IFT81: variants seen among roughly 807,000 people sequenced by gnomAD.
The protein encoded by IFT81 is intraflagellar transport 81, also known as intraflagellar transport protein 81 homolog.
Under a neutral mutation model 102.6 loss-of-function variants are expected in IFT81, and 72 were observed. The ratio of observed to expected loss-of-function variants is 0.70; its 90% CI spans 0.58 to 0.85. The LOEUF (loss-of-function observed/expected upper bound fraction) is 0.85. Among genes scored for constraint, IFT81 ranks in the 40% least tolerant of loss-of-function variants. The pLI, the probability that IFT81 is intolerant of heterozygous loss-of-function variation, is 0.00. For missense variants in IFT81, 723 were observed against 787.3 expected (o/e 0.92, Z 0.98); for synonymous variants, 237 against 242.7 (o/e 0.98, Z 0.22).
intron 10 of IFT81, among the ~76,000 whole-genome samples, chr12:110,156,118 T>C (rs1379785947): frequency 6.6e-6 from 1 of 152,242 alleles, no homozygotes; most frequent in East Asian, 1.9e-4. Flanking sequence ...TTCTTTTAAA[T>C]GTGTTAATCT....
chr12:110,131,124 A>G (rs1894136509), intron 4 of IFT81, among the ~76,000 whole-genome samples: 1 of 151,928 alleles, frequency 6.6e-6, no homozygotes, highest in Non-Finnish European at 1.5e-5. Flanking sequence ...TCTACAAAAG[A>G]TAAAAAAATT....
At chr12:110,148,917 TG>T (rs937556604) in intron 10 of IFT81, among the ~76,000 whole-genome samples, 7 of 152,352 alleles carry the variant, frequency 4.6e-5, no homozygotes, top group African/African-American at 1.4e-4. Flanking sequence ...CTAACTCATT[TG>T]CATCCTCCAA....
intron 9 of IFT81, 113 bp downstream of exon 9, chr12:110,143,658 G>A: frequency 1.3e-6 from 1 of 796,520 alleles, no homozygotes; most frequent in Non-Finnish European, 1.9e-6. Flanking sequence ...ATTAACCTGT[G>A]CTAAGAGTTG....
In IFT81 at chr12:110,146,984, T is replaced by G. The variant is rs1895262479; in HGVS notation, c.977T>G (p.Leu326Trp). 1 of 1,610,326 alleles carries G rather than the reference T, an allele frequency of 6.2e-7. No homozygotes were observed. Among genetic ancestry groups the G allele is most frequent in the South Asian group, 1.1e-5 (1 of 90,576 alleles). ...GAAATAAACACAGAAATTAACCAGT[T>G]GATTGAAAAGAAAATGATGAGAAAT... is the stretch of plus-strand genomic sequence containing the variant. Reference protein sequence around the residue: ...INEINTEINQLIEKKMMRNEP... With the variant: ...INEINTEINQWIEKKMMRNEP... Residue 326 changes from leucine (L) to tryptophan (W), a missense_variant, in exon 10 of 19, where the codon TTG becomes TGG. By Grantham distance (61) the Leu-to-Trp change is moderately conservative. Coordinates refer to ENST00000242591, the MANE Select transcript of IFT81 (RefSeq NM_014055.4).
intron 12 of IFT81, among the ~76,000 whole-genome samples, chr12:110,188,590 C>G (rs1897655391): frequency 6.6e-6 from 1 of 151,320 alleles, no homozygotes; most frequent in Non-Finnish European, 1.5e-5. Flanking sequence ...CTTTTTTGAA[C>G]TCTCTTCAAT....
Position 110,127,467 on chromosome 12 carries a change from G to C in IFT81, c.87G>C (p.Leu29Phe), listed in dbSNP as rs751222088. ...KNYNLITFDS[L>F]EPMQLLQVLS... The stretch of plus-strand genomic sequence containing the variant: ...ATAATTTAATCACGTTTGATTCCTT[G>C]GAGCCAATGCAACTATTACAAGTTC... Residue 29 changes from leucine to phenylalanine, a missense_variant, in exon 2 of 19, where the codon TTG becomes TTC. Transcript: ENST00000242591. 221 of 1,610,172 alleles carry C rather than the reference G, an allele frequency of 1.4e-4. No homozygotes were observed. The highest frequency in any genetic ancestry group is 1.8e-4 in the Non-Finnish European group (216 of 1,178,452).
chr12:110,145,597 C>T (rs1309375472), intron 9 of IFT81, among the ~76,000 whole-genome samples: 1 of 151,496 alleles, frequency 6.6e-6, no homozygotes, highest in African/African-American at 2.4e-5. Context: ...CCACCATGCC[C>T]AGCTAATTTT....
chr12:110,140,412 C>G lies in IFT81; in HGVS notation c.782-2970C>G, dbSNP rs139537863. Among the ~76,000 whole-genome samples the G allele has an allele frequency of 3.3e-5, 5 of 152,292 alleles. No homozygotes were observed. The South Asian group carries it at 6.2e-4, about 19-fold the overall frequency. ...CCTTTTTAATGTCTCACTCTTGCCCCCTTCTGCCTTTCTGTCCCTCCCCAG... is the reference window on the plus strand; with the variant it reads ...CCTTTTTAATGTCTCACTCTTGCCCGCTTCTGCCTTTCTGTCCCTCCCCAG... On this transcript the variant is annotated intron_variant, in intron 8 of 18. Transcript: ENST00000242591.
intron 11 of IFT81, among the ~76,000 whole-genome samples, chr12:110,169,687 C>T (rs2137468712): frequency 6.6e-6 from 1 of 152,198 alleles, no homozygotes; most frequent in South Asian, 2.1e-4. Flanking sequence ...CTCAGCCTCC[C>T]AGGTGGCTGG....
At chr12:110,165,063 A>G (rs1352058444) in intron 11 of IFT81, among the ~76,000 whole-genome samples, 2 of 152,094 alleles carry the variant, frequency 1.3e-5, no homozygotes, top group African/African-American at 4.8e-5. Context: ...AATCATGGTG[A>G]ATAGGAGACG....
chr12:110,148,369 G>C (rs1895339386), intron 10 of IFT81, among the ~76,000 whole-genome samples: 1 of 151,414 alleles, frequency 6.6e-6, no homozygotes, highest in Non-Finnish European at 1.5e-5. Flanking sequence ...GATAATGCTC[G>C]GTTGTCTGAG....
Position 110,192,646 on chromosome 12 carries a change from A to G in IFT81, c.1497A>G (p.Glu499=). 6.3e-7 allele frequency: 1 copy of G among 1,588,052 alleles called. No homozygotes were observed. The highest frequency in any genetic ancestry group is 8.6e-7 in the Non-Finnish European group (1 of 1,166,630). Residue 499 remains glutamate, a synonymous_variant, in exon 14 of 19, where the codon GAA becomes GAG. Coordinates refer to ENST00000242591, the MANE Select transcript of IFT81 (RefSeq NM_014055.4). ...AAAAACTGTATTCATTGGTATCTGA[A>G]AAGAAGTCAGCTCTTGCCTCAGTTA... ...MVKKLYSLVS[E]KKSALASVIK... is the part of the protein sequence containing the mutation.
rs1228350106 is a variant in IFT81, at chr12:110,201,416, AAG to A, written c.1558-2447_1558-2446del. 2.6e-5 allele frequency among the ~76,000 whole-genome samples: 4 copies of A among 151,636 alleles called. No homozygotes were observed. The East Asian group carries it at 7.7e-4, about 29-fold the overall frequency. ...AGCTCTGTCTCCAAAAAAAAAAAAA[AAG>A]GTGAAAAATTTTTGTTTTTTGTTTT... On this transcript the variant is annotated intron_variant, in intron 14 of 18. Transcript: ENST00000242591.
intron 14 of IFT81, among the ~76,000 whole-genome samples, chr12:110,202,244 T>C (rs1010690398): frequency 4.6e-5 from 7 of 152,352 alleles, no homozygotes; most frequent in African/African-American, 1.7e-4. Context: ...TGCCATCATA[T>C]ATGTGGTCCG....
In IFT81 at chr12:110,218,196, G is replaced by A; in HGVS notation, c.2001G>A (p.Gln667=). ...AAACTTCCATTGGTCAGGTAATTCA[G>A]GAGGGTGGGGAGGACCGGCTAATAC... is the stretch of plus-strand genomic sequence containing the variant. ...QSQTSIGQVI[Q]EGGEDRLIL Residue 667 remains glutamine, a synonymous_variant, in exon 19 of 19, where the codon CAG becomes CAA. Coordinates refer to ENST00000242591, the MANE Select transcript of IFT81 (RefSeq NM_014055.4). 6.4e-7 allele frequency: 1 copy of A among 1,568,642 alleles called. No homozygotes were observed. The highest frequency in any genetic ancestry group is 2.1e-5 in the Admixed American group (1 of 48,522).
In IFT81 at chr12:110,160,076, G is replaced by A. The variant is rs188914536; in HGVS notation, c.1042-2843G>A. On this transcript the variant is annotated intron_variant, in intron 10 of 18. Transcript: ENST00000242591. The stretch of plus-strand genomic sequence containing the variant: ...TTCTCAGAATCTCGCCTCCTCAAAC[G>A]GTTTCGAAACTCTTTTTTGTAAAAT... Among the ~76,000 whole-genome samples, 44 of 152,164 alleles carry A rather than the reference G, an allele frequency of 2.9e-4. 1 individual carries two copies. The East Asian group carries it at 7.0e-3, about 24-fold the overall frequency.
At chr12:110,184,760 G>C (rs552205578) in intron 12 of IFT81, among the ~76,000 whole-genome samples, 2 of 152,316 alleles carry the variant, frequency 1.3e-5, no homozygotes, top group East Asian at 3.9e-4. Flanking sequence ...TCCTGAGCCA[G>C]TCACCTATTA....
In IFT81 at chr12:110,127,402, A is replaced by G; in HGVS notation, c.22A>G (p.Ile8Val). 6.3e-7 allele frequency: 1 copy of G among 1,594,238 alleles called. No individual in the cohort carries two copies. Among genetic ancestry groups the G allele is most frequent in the Non-Finnish European group, 8.5e-7 (1 of 1,172,296 alleles). Reference sequence around the variant, plus strand: ...AATTATGAGTGATCAAATTAAATTCATTATGGACAGTCTCAATAAGGAGCC... The same window carrying G: ...AATTATGAGTGATCAAATTAAATTCGTTATGGACAGTCTCAATAAGGAGCC... MSDQIKF[I>V]MDSLNKEPFR... Residue 8 changes from isoleucine (I) to valine (V), a missense_variant, in exon 2 of 19, where the codon ATT becomes GTT. Physicochemically the swap from Ile to Val is conservative, Grantham distance 29. Transcript: ENST00000242591.
At chr12:110,177,123 GT>G (rs1430461035) in intron 11 of IFT81, among the ~76,000 whole-genome samples, 37 of 152,306 alleles carry the variant, frequency 2.4e-4, no homozygotes, top group African/African-American at 8.9e-4. Flanking sequence ...TTTTAAAGAA[GT>G]TTCTGTAACG....
Sources: allele counts gnomAD v4.1 joint callset (sites outside exome capture counted in the v4.1 genomes callset), GRCh38; gene constraint gnomAD v4.1.1; transcripts MANE v1.5; gene names NCBI Gene and HGNC (gene_info 2026-07-23, HGNC 2026-07-21).